WLS: variants seen among roughly 807,000 people sequenced by gnomAD.
WLS encodes the protein Wnt ligand secretion mediator, also known as protein wntless homolog.
A neutral mutation model predicts 62.8 loss-of-function variants in WLS; 23 were observed. That is an observed-to-expected ratio of 0.37 (90% CI 0.26 to 0.52). The LOEUF is 0.52. Ranked by LOEUF, WLS falls within the 20% of genes least tolerant of loss-of-function variation. The pLI is 0.92. For missense variants in WLS, 615 were observed against 697.3 expected, an observed-to-expected ratio of 0.88 and a Z score of 1.33; for synonymous variants, 246 against 244.1, an observed-to-expected ratio of 1.01 and a Z score of -0.07.
At chr1:68,132,540 C>G (rs1463859660) in intron 11 of WLS, among the ~76,000 whole-genome samples, 2 of 152,208 alleles carry the variant, frequency 1.3e-5, no homozygotes, top group East Asian at 3.9e-4. Context: ...TCAGAAACCT[C>G]CAGGAGTAAA....
chr1:68,142,392 C>T (rs916587992), intron 10 of WLS, among the ~76,000 whole-genome samples: 1 of 152,208 alleles, frequency 6.6e-6, no homozygotes, highest in African/African-American at 2.4e-5. Context: ...CAAGGAAGTG[C>T]TCTGTGCCCT....
chr1:68,231,208 G>A (rs1303160993), intron 1 of WLS, among the ~76,000 whole-genome samples: 1 of 152,106 alleles, frequency 6.6e-6, no homozygotes, highest in South Asian at 2.1e-4. Flanking sequence ...GAGTTTTTCC[G>A]AGTGGACGGT....
chr1:68,099,454 TTGA>T (rs1646050087), intron 11 of WLS, among the ~76,000 whole-genome samples: 1 of 152,154 alleles, frequency 6.6e-6, no homozygotes, highest in South Asian at 2.1e-4. Context: ...CAATTCTATG[TTGA>T]TAAGATTAAA....
At position 68,125,549 on chromosome 1, in the gene WLS, T is replaced by A; in HGVS notation, c.*677A>T. 1 of 985,418 alleles carries A rather than the reference T, an allele frequency of 1.0e-6. No individual in the cohort carries two copies. The highest frequency in any genetic ancestry group is 4.7e-5 in the South Asian group (1 of 21,284). 61.0% of individuals were successfully genotyped at this position (985,418 alleles called of 1,614,324 possible). A position where few individuals can be genotyped will look rare whatever the true frequency, so the allele number is the denominator to read the frequency against. ...AATACAGTAAATCTTACTTGGGTAG[T>A]TTAGCAAACATTTTTTAAAACCCAC... On this transcript the variant is annotated 3_prime_UTR_variant, in exon 12 of 12. Coordinates refer to ENST00000262348, the MANE Select transcript of WLS (RefSeq NM_024911.7).
intron 2 of WLS, among the ~76,000 whole-genome samples, chr1:68,166,413 C>T (rs1647060402): frequency 6.6e-6 from 1 of 152,208 alleles, no homozygotes; most frequent in Non-Finnish European, 1.5e-5. Flanking sequence ...CAGCCTTCTT[C>T]AGGCCTCACA....
chr1:68,167,450 T>A (rs76194686), intron 2 of WLS, among the ~76,000 whole-genome samples: 124 of 152,278 alleles, frequency 8.1e-4, no homozygotes, highest in African/African-American at 2.9e-3. Flanking sequence ...GTTTCATGAC[T>A]CCTGGGATAC....
chr1:68,218,954 G>T (rs1432912833), intron 1 of WLS, among the ~76,000 whole-genome samples: 1 of 152,134 alleles, frequency 6.6e-6, no homozygotes, highest in Non-Finnish European at 1.5e-5. Flanking sequence ...AACTTTCAAA[G>T]ATTTGTTTTT....
intron 2 of WLS, among the ~76,000 whole-genome samples, chr1:68,170,172 T>C (rs1410652056): frequency 2.1e-5 from 3 of 145,936 alleles, no homozygotes; most frequent in Non-Finnish European, 3.0e-5. Flanking sequence ...TTTTTTTTTT[T>C]TTTTTTTTTT....
At chr1:68,114,838 C>A (rs1440902564) in intron 11 of WLS, among the ~76,000 whole-genome samples, 2 of 152,216 alleles carry the variant, frequency 1.3e-5, no homozygotes, top group Non-Finnish European at 2.9e-5. Flanking sequence ...AACAGAGAAC[C>A]CCCTCTGGGG....
intron 1 of WLS, among the ~76,000 whole-genome samples, chr1:68,221,882 A>T (rs192677558): frequency 1.2e-4 from 18 of 152,362 alleles, no homozygotes; most frequent in Admixed American, 3.3e-4. Flanking sequence ...CTTGTTAGTC[A>T]CAAAGGAGGG....
intron 1 of WLS, among the ~76,000 whole-genome samples, chr1:68,212,654 A>T: frequency 6.6e-6 from 1 of 152,314 alleles, no homozygotes; most frequent in East Asian, 1.9e-4. Context: ...CTATTTTATT[A>T]ATGATGTTTT....
intron 11 of WLS, among the ~76,000 whole-genome samples, chr1:68,104,858 T>C (rs573490246): frequency 6.6e-6 from 1 of 152,234 alleles, no homozygotes; most frequent in Non-Finnish European, 1.5e-5. Flanking sequence ...AGGCCAAGGA[T>C]GCAGGTAGCC....
intron 6 of WLS, among the ~76,000 whole-genome samples, chr1:68,149,304 G>A (rs1177322913): frequency 6.6e-6 from 1 of 152,140 alleles, no homozygotes; most frequent in Non-Finnish European, 1.5e-5. Context: ...TCCTGGTGCT[G>A]GACCAAGTTC....
At chr1:68,158,187 G>A (rs1313628809) in intron 3 of WLS, among the ~76,000 whole-genome samples, 1 of 152,186 alleles carries the variant, frequency 6.6e-6, no homozygotes, top group Non-Finnish European at 1.5e-5. Context: ...CTGAGACATT[G>A]ACTTAATAGG....
In WLS at chr1:68,232,478, C is replaced by T. The variant is rs1050538341; in HGVS notation, c.-179G>A. 32 of 1,292,534 alleles carry T rather than the reference C, an allele frequency of 2.5e-5. No homozygotes were observed. Among genetic ancestry groups the T allele is most frequent in the Middle Eastern group, 2.6e-4 (1 of 3,888 alleles). The allele number at this position is 1,292,534 out of a possible 1,614,324, so 80.1% of individuals were successfully genotyped here. ...CGGAAGGCGCCCGCACGGATTCCCC[C>T]GGCGCAGCCGGCTCGGGTTCCCCCA... is the stretch of plus-strand genomic sequence containing the variant. On this transcript the variant is annotated 5_prime_UTR_variant, in exon 1 of 12. Coordinates refer to ENST00000262348, the MANE Select transcript of WLS (RefSeq NM_024911.7).
chr1:68,189,631 C>T (rs1648176085), intron 2 of WLS, among the ~76,000 whole-genome samples: 1 of 152,132 alleles, frequency 6.6e-6, no homozygotes, highest in Non-Finnish European at 1.5e-5. Flanking sequence ...TCTCACTAAC[C>T]AAGGTGTAGA....
intron 10 of WLS, chr1:68,142,883 T>C (rs1342144993): frequency 6.6e-6 from 1 of 152,162 alleles, no homozygotes; most frequent in African/African-American, 2.4e-5. Context: ...AAAAATTATA[T>C]ATTTTCACTA....
At chr1:68,199,551 C>CTTTAT in intron 1 of WLS, among the ~76,000 whole-genome samples, 1 of 152,060 alleles carries the variant, frequency 6.6e-6, no homozygotes, top group Admixed American at 6.6e-5. Flanking sequence ...GATATCTGTG[C>CTTTAT]TTGAATATTA....
Position 68,153,570 on chromosome 1 carries a change from C to G in WLS, c.750G>C (p.Val250=). The change falls in exon 5 of 12, where the codon GTG becomes GTC. Residue 250 remains valine, a synonymous_variant. Coordinates refer to ENST00000262348, the MANE Select transcript of WLS (RefSeq NM_024911.7). ...FLTPSIFIIM[V]WYWRRITMMS... ...TCATGGTGATCCTCCTCCAATACCA[C>G]ACCATAATGATGAAGATGCTGGGCG... The G allele has an allele frequency of 6.2e-7, 1 of 1,614,184 alleles. No homozygotes were observed. The highest frequency in any genetic ancestry group is 2.2e-5 in the East Asian group (1 of 44,874).
Sources: allele counts gnomAD v4.1 joint callset (sites outside exome capture counted in the v4.1 genomes callset), GRCh38; gene constraint gnomAD v4.1.1; transcripts MANE v1.5; gene names NCBI Gene and HGNC (gene_info 2026-07-23, HGNC 2026-07-21).